CENPW: variants seen among roughly 807,000 people sequenced by gnomAD.
CENPW encodes the protein cancer-up-regulated gene 2 protein.
A neutral mutation model predicts 11.1 loss-of-function variants in CENPW; 3 were observed. The ratio of observed to expected loss-of-function variants is 0.27; its 90% CI spans 0.12 to 0.70. CENPW has a LOEUF of 0.70. CENPW is among the 30% of genes least tolerant of loss of function. The pLI is 0.77. For synonymous variants in CENPW, 38 were observed against 42.0 expected (o/e 0.91, Z 0.37); for missense variants, 100 against 105.6 (o/e 0.95, Z 0.23).
chr6:126,384,412 C>T, the CENPW span, among the ~76,000 whole-genome samples: 1 of 152,120 alleles, frequency 6.6e-6, no homozygotes, highest in Admixed American at 6.6e-5. Flanking sequence ...CATCATGGTA[C>T]TATTACAAAA....
At chr6:126,411,289 T>C in the CENPW span, among the ~76,000 whole-genome samples, 3 of 152,186 alleles carry the variant, frequency 2.0e-5, no homozygotes, top group African/African-American at 7.2e-5. Context: ...GCTGTAGAAA[T>C]TTATGGCAGC....
At chr6:126,422,879 C>T in the CENPW span, among the ~76,000 whole-genome samples, 9 of 152,166 alleles carry the variant, frequency 5.9e-5, no homozygotes, top group South Asian at 2.1e-4. Flanking sequence ...AATTAAAGCA[C>T]GCCTGTAGAA....
chr6:126,353,984 ATCTT>A, the CENPW span, among the ~76,000 whole-genome samples: 46 of 151,946 alleles, frequency 3.0e-4, no homozygotes, highest in African/African-American at 1.1e-3. Flanking sequence ...TGTTTTATCT[ATCTT>A]TTTCTTGTTT....
the CENPW span, among the ~76,000 whole-genome samples, chr6:126,419,673 A>G: frequency 1 from 152,128 of 152,312 alleles, 75,974 homozygotes; most frequent in East Asian, 1. Flanking sequence ...CTGAAATCAA[A>G]GTGTTATAGC....
chr6:126,462,115 G>C, the CENPW span, among the ~76,000 whole-genome samples: 1 of 151,892 alleles, frequency 6.6e-6, no homozygotes, highest in Admixed American at 6.6e-5. Context: ...GATATTAGTA[G>C]GGGAAATGAT....
the CENPW span, among the ~76,000 whole-genome samples, chr6:126,441,906 A>G: frequency 4.6e-5 from 7 of 151,712 alleles, no homozygotes; most frequent in African/African-American, 1.7e-4. Flanking sequence ...TTGTGCTGCT[A>G]TAAACATGCG....
the CENPW span, among the ~76,000 whole-genome samples, chr6:126,363,111 G>A: frequency 6.6e-6 from 1 of 152,200 alleles, no homozygotes; most frequent in African/African-American, 2.4e-5. Flanking sequence ...CCTAGAGACA[G>A]TGTACTGCTA....
the CENPW span, among the ~76,000 whole-genome samples, chr6:126,365,415 C>T: frequency 2.6e-5 from 4 of 151,994 alleles, no homozygotes; most frequent in Non-Finnish European, 5.9e-5. Flanking sequence ...ACAATCATGG[C>T]GGAAGCTGAA....
At chr6:126,425,477 A>T in the CENPW span, among the ~76,000 whole-genome samples, 1 of 152,146 alleles carries the variant, frequency 6.6e-6, no homozygotes, top group Non-Finnish European at 1.5e-5. Context: ...GGCAGTAGCC[A>T]ATAGGAGTTT....
chr6:126,459,884 G>A, the CENPW span, among the ~76,000 whole-genome samples: 1 of 151,068 alleles, frequency 6.6e-6, no homozygotes, highest in Non-Finnish European at 1.5e-5. Flanking sequence ...ACTGTTACAT[G>A]TCTCAAAATA....
the CENPW span, among the ~76,000 whole-genome samples, chr6:126,414,207 A>C: frequency 6.6e-6 from 1 of 152,098 alleles, no homozygotes; most frequent in Non-Finnish European, 1.5e-5. Flanking sequence ...GATACTCTCC[A>C]TTAGTAGTTT....
the CENPW span, among the ~76,000 whole-genome samples, chr6:126,395,253 T>A: frequency 6.6e-6 from 1 of 152,158 alleles, no homozygotes; most frequent in African/African-American, 2.4e-5. Flanking sequence ...TAATCGTGTA[T>A]TTTTGAATAA....
downstream of CENPW, among the ~76,000 whole-genome samples, chr6:126,349,164 C>T (rs908895717): frequency 1.3e-5 from 2 of 152,074 alleles, no homozygotes; most frequent in Middle Eastern, 3.4e-3. Flanking sequence ...ATAGTTGTTA[C>T]TTTTAACTTT....
At chr6:126,454,146 A>G in the CENPW span, among the ~76,000 whole-genome samples, 30 of 151,462 alleles carry the variant, frequency 2.0e-4, no homozygotes, top group African/African-American at 6.8e-4. Context: ...CCCCACTGAC[A>G]GTATTAGGTA....
At chr6:126,356,045 T>C in the CENPW span, among the ~76,000 whole-genome samples, 16 of 152,276 alleles carry the variant, frequency 1.1e-4, no homozygotes, top group East Asian at 7.7e-4. Flanking sequence ...TGGATGACTG[T>C]CTTGATGCTG....
At chr6:126,395,577 T>C in the CENPW span, among the ~76,000 whole-genome samples, 129 of 152,288 alleles carry the variant, frequency 8.5e-4, no homozygotes, top group African/African-American at 2.8e-3. Context: ...TAATGTTTTC[T>C]TGGATGGTTC....
At chr6:126,359,351 G>A in the CENPW span, among the ~76,000 whole-genome samples, 15 of 151,430 alleles carry the variant, frequency 9.9e-5, no homozygotes, top group Admixed American at 3.3e-4. Flanking sequence ...GCGTGTGGCC[G>A]ATCTTAGAAT....
chr6:126,382,053 G>T, the CENPW span, among the ~76,000 whole-genome samples: 9 of 152,108 alleles, frequency 5.9e-5, no homozygotes, highest in East Asian at 1.5e-3. Context: ...GACCAACATG[G>T]TGAAACCCTG....
the CENPW span, among the ~76,000 whole-genome samples, chr6:126,357,462 A>G: frequency 6.6e-6 from 1 of 152,074 alleles, no homozygotes; most frequent in Non-Finnish European, 1.5e-5. Flanking sequence ...GAAAGATGAC[A>G]TTGTTAGTTG....
Sources: allele counts gnomAD v4.1 joint callset (sites outside exome capture counted in the v4.1 genomes callset), GRCh38; gene constraint gnomAD v4.1.1; transcripts MANE v1.5; gene names NCBI Gene and HGNC (gene_info 2026-07-23, HGNC 2026-07-21).